THSD4: variants seen among roughly 807,000 people sequenced by gnomAD.
The protein encoded by THSD4 is thrombospondin type-1 domain-containing protein 4.
A neutral mutation model predicts 119.0 loss-of-function variants in THSD4; 69 were observed. The ratio of observed to expected loss-of-function variants is 0.58; its 90% CI spans 0.48 to 0.71. THSD4 has a LOEUF of 0.71. THSD4 is among the 30% of genes least tolerant of loss of function. The probability of loss-of-function intolerance (pLI) is 0.00; values close to 1 mark genes in which losing one functional copy is unlikely to be tolerated. For synonymous variants in THSD4, 524 were observed against 540.4 expected, an observed-to-expected ratio of 0.97 and a Z score of 0.42; for missense variants, 1,393 against 1,391.1, an observed-to-expected ratio of 1.00 and a Z score of -0.02.
At chr15:71,409,897 T>G (rs528273545) in intron 6 of THSD4, among the ~76,000 whole-genome samples, 77 of 151,798 alleles carry the variant, frequency 5.1e-4, no homozygotes, top group Admixed American at 9.2e-4. Flanking sequence ...TTTTTTTTTT[T>G]TTGTTTTTTT....
chr15:71,180,988 C>A (rs1015520060), intron 3 of THSD4, among the ~76,000 whole-genome samples: 5 of 152,052 alleles, frequency 3.3e-5, no homozygotes, highest in African/African-American at 1.2e-4. Context: ...GAATCAAATA[C>A]CAGTACTGAA....
At chr15:71,404,927 C>A (rs1244698945) in intron 6 of THSD4, among the ~76,000 whole-genome samples, 1 of 149,630 alleles carries the variant, frequency 6.7e-6, no homozygotes, top group Non-Finnish European at 1.5e-5. Context: ...CTCTCTCTGT[C>A]ACCCAGGCTG....
In THSD4 at chr15:71,305,485, C is replaced by T. The variant is rs532446053; in HGVS notation, c.1015+48770C>T. On this transcript the variant is annotated intron_variant, in intron 6 of 17. Coordinates refer to ENST00000261862, the MANE Select transcript of THSD4 (RefSeq NM_024817.3). ...ATAGTGAGTTGAGGGCAGTAGTTAA[C>T]GTGGGGTTGGAGCCAGACACATACA... Among the ~76,000 whole-genome samples, 47 of 152,246 alleles carry T rather than the reference C, an allele frequency of 3.1e-4. No individual in the cohort carries two copies. In the South Asian group the frequency reaches 3.5e-3, roughly 11 times the overall value.
rs113523995 is a variant in THSD4 at position 71,736,842 on chromosome 15, C to T, written c.1631-890C>T. On this transcript the variant is annotated intron_variant, in intron 10 of 17. Coordinates refer to ENST00000261862, the MANE Select transcript of THSD4 (RefSeq NM_024817.3). ...TTTTCTGTCCTGCACAAAAACAAAG[C>T]AATAACATCTAAGGACTTGGCTACT... Among the ~76,000 whole-genome samples, 192 of 152,324 alleles carry T rather than the reference C, an allele frequency of 1.3e-3. 1 individual carries two copies. Among genetic ancestry groups the T allele is most frequent in the African/African-American group, 4.3e-3 (177 of 41,576 alleles).
At chr15:71,296,414 A>G (rs950368416) in intron 6 of THSD4, among the ~76,000 whole-genome samples, 3 of 152,132 alleles carry the variant, frequency 2.0e-5, no homozygotes, top group Non-Finnish European at 4.4e-5. Flanking sequence ...GTTCGTGGAT[A>G]TGTGTTTCGG....
chr15:71,167,829 A>G (rs1289877831), intron 3 of THSD4, among the ~76,000 whole-genome samples: 1 of 152,230 alleles, frequency 6.6e-6, no homozygotes, highest in Non-Finnish European at 1.5e-5. Flanking sequence ...GGTGTGTCCA[A>G]CTTTAGCATA....
chr15:71,752,348 A>T (rs1292595800), intron 14 of THSD4, among the ~76,000 whole-genome samples: 1 of 152,234 alleles, frequency 6.6e-6, no homozygotes, highest in Non-Finnish European at 1.5e-5. Flanking sequence ...ATTTCAACAT[A>T]AGTTCTTGCC....
intron 7 of THSD4, among the ~76,000 whole-genome samples, chr15:71,422,426 G>A (rs2046820363): frequency 6.6e-6 from 1 of 152,198 alleles, no homozygotes; most frequent in African/African-American, 2.4e-5. Context: ...TAATGCTGTG[G>A]CTCTTGCAGA....
chr15:71,245,502 C>A (rs1460756563), intron 5 of THSD4, among the ~76,000 whole-genome samples: 1 of 152,090 alleles, frequency 6.6e-6, no homozygotes, highest in African/African-American at 2.4e-5. Context: ...TTATTACAGC[C>A]AAAGGATTGA....
chr15:71,334,541 G>A (rs1220328228), intron 6 of THSD4, among the ~76,000 whole-genome samples: 2 of 152,164 alleles, frequency 1.3e-5, no homozygotes, highest in Non-Finnish European at 2.9e-5. Context: ...TCATTCCCCA[G>A]CTCTGGGGGC....
intron 7 of THSD4, among the ~76,000 whole-genome samples, chr15:71,621,241 A>G (rs547669420): frequency 6.6e-6 from 1 of 152,244 alleles, no homozygotes; most frequent in African/African-American, 2.4e-5. Flanking sequence ...CTACTTAATT[A>G]CGAGTTTCTA....
chr15:71,564,755 CAT>C (rs951208069), intron 7 of THSD4, among the ~76,000 whole-genome samples: 9 of 62,954 alleles, frequency 1.4e-4, no homozygotes, highest in African/African-American at 6.0e-4. Context: ...TATAGTATAA[CAT>C]ATAATACAAT....
intron 8 of THSD4, among the ~76,000 whole-genome samples, chr15:71,665,648 T>C (rs920664507): frequency 6.6e-6 from 1 of 152,236 alleles, no homozygotes; most frequent in African/African-American, 2.4e-5. Flanking sequence ...TTTAAGTCTT[T>C]AATCTATCTT....
At chr15:71,368,370 C>A (rs1015879405) in intron 6 of THSD4, among the ~76,000 whole-genome samples, 2 of 152,164 alleles carry the variant, frequency 1.3e-5, no homozygotes, top group Admixed American at 1.3e-4. Context: ...ATGCCTATGT[C>A]CTGAATGTAA....
At chr15:71,490,781 G>T (rs113656082) in intron 7 of THSD4, among the ~76,000 whole-genome samples, 1 of 151,982 alleles carries the variant, frequency 6.6e-6, no homozygotes, top group African/African-American at 2.4e-5. Flanking sequence ...GGCAAACTAC[G>T]GTCAATGGGC....
chr15:71,121,382 A>G lies in THSD4; in HGVS notation c.-80+5684A>G, dbSNP rs981206492. Reference sequence around the variant, plus strand: ...CTATCACTTTTTTTTTTTTTTCCCCACTTTGGCTGAGTCCTGAGCCTGCAT... The same window carrying G: ...CTATCACTTTTTTTTTTTTTTCCCCGCTTTGGCTGAGTCCTGAGCCTGCAT... On this transcript the variant is annotated intron_variant, in intron 1 of 17. Coordinates refer to ENST00000261862, the MANE Select transcript of THSD4 (RefSeq NM_024817.3). Among the ~76,000 whole-genome samples the G allele has an allele frequency of 6.5e-4, 97 of 149,202 alleles. 1 individual carries two copies. Among genetic ancestry groups the G allele is most frequent in the Middle Eastern group, 3.4e-3 (1 of 294 alleles).
intron 7 of THSD4, among the ~76,000 whole-genome samples, chr15:71,494,805 G>A (rs2047985226): frequency 6.6e-6 from 1 of 152,182 alleles, no homozygotes; most frequent in Non-Finnish European, 1.5e-5. Context: ...CAGGGTCAGG[G>A]TTATGTGCTA....
At chr15:71,669,703 G>GCTTTCCTCCACAATTA (rs796765648) in intron 8 of THSD4, among the ~76,000 whole-genome samples, 5 of 152,288 alleles carry the variant, frequency 3.3e-5, no homozygotes, top group African/African-American at 1.2e-4. Flanking sequence ...ACGTTCAGTT[G>GCTTTCCTCCACAATTA]CTTTCCTCCA....
At chr15:71,771,354 AT>A in intron 17 of THSD4, 146 bp downstream of exon 17, 1 of 1,104,048 alleles carries the variant, frequency 9.1e-7, no homozygotes, top group Non-Finnish European at 1.3e-6. Flanking sequence ...TGCTTTTGGT[AT>A]TATAAATTTC....
Sources: gnomAD v4.1 joint callset for allele counts (sites outside exome capture counted in the v4.1 genomes callset) on GRCh38, gnomAD v4.1.1 for gene constraint, MANE v1.5 for transcripts, NCBI Gene and HGNC (gene_info 2026-07-23, HGNC 2026-07-21) for gene names.